The following OVOL1 variants were observed in gnomAD, a reference collection of about 807,000 sequenced individuals.
The protein encoded by OVOL1 is putative transcription factor Ovo-like 1.
Under a neutral mutation model 21.5 loss-of-function variants are expected in OVOL1, and 10 were observed. The observed-to-expected ratio is 0.46, with a 90% CI of 0.29 to 0.79. The LOEUF (loss-of-function observed/expected upper bound fraction) is 0.79. OVOL1 is among the 30% of genes least tolerant of loss of function. The probability of loss-of-function intolerance (pLI) is 0.10; values close to 1 mark genes in which losing one functional copy is unlikely to be tolerated. For synonymous variants in OVOL1, 129 were observed against 150.3 expected, an observed-to-expected ratio of 0.86 and a Z score of 1.03; for missense variants, 279 against 362.3, an observed-to-expected ratio of 0.77 and a Z score of 1.87.
rs773194846 is a variant in OVOL1, at chr11:65,796,132, C to G, written c.*791C>G. 5 of 152,498 alleles carry G rather than the reference C, an allele frequency of 3.3e-5. No homozygotes were observed. The highest frequency in any genetic ancestry group is 5.9e-5 in the Non-Finnish European group (4 of 68,030). The allele number at this position is 152,498 out of a possible 1,614,324, so 9.4% of individuals were successfully genotyped here. ...GAGCTGGCTTTTCTCCATTCCCGTG[C>G]GCTTCTATTTATCCTGGACATTTCA... On this transcript the variant is annotated 3_prime_UTR_variant, in exon 4 of 4. Transcript: ENST00000335987.
chr11:65,790,334 C>G (rs1044131277), intron 1 of OVOL1: 3 of 152,276 alleles, frequency 2.0e-5, no homozygotes, highest in Non-Finnish European at 4.4e-5. Flanking sequence ...GGCCTCCCAC[C>G]ACTGCTTCCC....
At position 65,795,068 on chromosome 11, in the gene OVOL1, CCTGTGTG is replaced by C; in HGVS notation, c.532_538del (p.Leu178ThrfsTer53). ...CAGGCGTGCGGCCCTACAAGTGCAG[CCTGTGTG>C]ACAAGGCCTTCACGCAGCGCTGCTC... On this transcript the variant is annotated frameshift_variant, in exon 4 of 4. Transcript: ENST00000335987. LOFTEE classifies it high-confidence loss of function. This position sits in a 1 kb window ranked among gnomAD's most constrained non-coding sequence, Gnocchi z 5.7. 1 of 1,613,136 alleles carries C rather than the reference CCTGTGTG, an allele frequency of 6.2e-7. No homozygotes were observed. Among genetic ancestry groups the C allele is most frequent in the Non-Finnish European group, 8.5e-7 (1 of 1,179,976 alleles).
Position 65,791,108 on chromosome 11 carries a change from CGGTT to C in OVOL1, c.101-2920_101-2917del, listed in dbSNP as rs142580276. 1.2e-3 allele frequency among the ~76,000 whole-genome samples: 181 copies of C among 152,284 alleles called. 1 individual carries two copies. Among genetic ancestry groups the C allele is most frequent in the African/African-American group, 4.2e-3 (174 of 41,562 alleles). ...TTCTTTGTGGATACCCAGTGAAAAG[CGGTT>C]GGGAAAGAGGGAAAATACACTGTCT... On this transcript the variant is annotated intron_variant, in intron 1 of 3. Coordinates refer to ENST00000335987, the MANE Select transcript of OVOL1 (RefSeq NM_004561.4).
chr11:65,795,000 G>A (rs767796931), intron 3 of OVOL1, 46 bp from the exon 4 acceptor site: 1 of 1,587,764 alleles, frequency 6.3e-7, no homozygotes. Flanking sequence ...GACAGCCTCT[G>A]AAGTCCCTGC....
In OVOL1 at chr11:65,794,670, T is replaced by C; in HGVS notation, c.451T>C (p.Cys151Arg). ...NDVKRHLCTY[C>R]GKGFNDTFDL... ...CGTCAAGAGGCACCTCTGCACGTAC[T>C]GCGGGAAGGGCTTCAATGACACCTT... The change falls in exon 3 of 4, where the codon TGC becomes CGC. Residue 151 changes from cysteine (C) to arginine (R), a missense_variant. By Grantham distance (180) the Cys-to-Arg change is radical. Coordinates refer to ENST00000335987, the MANE Select transcript of OVOL1 (RefSeq NM_004561.4). 1 of 1,613,754 alleles carries C rather than the reference T, an allele frequency of 6.2e-7. No individual in the cohort carries two copies. Among genetic ancestry groups the C allele is most frequent in the South Asian group, 1.1e-5 (1 of 91,086 alleles).
intron 1 of OVOL1, among the ~76,000 whole-genome samples, chr11:65,791,806 C>T (rs991898896): frequency 1.1e-4 from 16 of 152,234 alleles, no homozygotes; most frequent in African/African-American, 3.6e-4. Flanking sequence ...GTCATAGCGC[C>T]ACCGCCTTGC....
At chr11:65,788,215 A>G (rs1233563829) in intron 1 of OVOL1, among the ~76,000 whole-genome samples, 2 of 152,186 alleles carry the variant, frequency 1.3e-5, no homozygotes, top group Non-Finnish European at 2.9e-5. Flanking sequence ...CCCACCCCAC[A>G]GCGGAGGGCC....
At chr11:65,791,937 C>T (rs898637362) in intron 1 of OVOL1, among the ~76,000 whole-genome samples, 5 of 152,360 alleles carry the variant, frequency 3.3e-5, no homozygotes, top group South Asian at 2.1e-4. Context: ...ACTCCCTGTG[C>T]GTGTGGCCGC....
chr11:65,794,894 T>C (rs977285573), intron 3 of OVOL1, 152 bp from the exon 4 acceptor site: 4 of 981,580 alleles, frequency 4.1e-6, no homozygotes, highest in African/African-American at 1.6e-5. Context: ...GAGTTTTGAT[T>C]TGAGAGTCAC....
chr11:65,794,310 A>T, intron 2 of OVOL1, 62 bp downstream of exon 2: 1 of 1,446,654 alleles, frequency 6.9e-7, no homozygotes, highest in East Asian at 2.3e-5. Context: ...CGTCCAGCTC[A>T]TGAGACATGG....
At chr11:65,787,522 G>GCC in intron 1 of OVOL1, 49 bp downstream of exon 1, 1 of 1,258,320 alleles carries the variant, frequency 7.9e-7, no homozygotes, top group Non-Finnish European at 1.1e-6. Context: ...GCGGCGTCGA[G>GCC]GCTGCGGGCG....
intron 1 of OVOL1, chr11:65,789,079 T>G (rs375574418): frequency 1.0e-6 from 1 of 985,280 alleles, no homozygotes; most frequent in African/African-American, 1.7e-5. Flanking sequence ...TGAGCCAGGC[T>G]CAGTGTGCTG....
chr11:65,788,987 C>T (rs1857956466), intron 1 of OVOL1: 1 of 985,406 alleles, frequency 1.0e-6, no homozygotes, highest in Non-Finnish European at 1.2e-6. Flanking sequence ...CCTCCACCCT[C>T]ACCTGTGTTT....
chr11:65,787,403 G>T lies in OVOL1; in HGVS notation c.30G>T (p.Pro10=). 6.3e-7 allele frequency: 1 copy of T among 1,595,766 alleles called. No homozygotes were observed. The highest frequency in any genetic ancestry group is 8.5e-7 in the Non-Finnish European group (1 of 1,171,488). The change falls in exon 1 of 4, where the codon CCG becomes CCT. Residue 10 remains proline (P), a synonymous_variant. Transcript: ENST00000335987. ...CCCGCGCGTTCCTGGTGAAGAAGCC[G>T]TGCGTCTCCACGTGCAAGAGGAACT... The part of the protein sequence containing the change: MPRAFLVKK[P]CVSTCKRNWS...
chr11:65,788,247 C>T (rs1227148090), intron 1 of OVOL1, among the ~76,000 whole-genome samples: 4 of 152,342 alleles, frequency 2.6e-5, no homozygotes, highest in African/African-American at 9.6e-5. Flanking sequence ...AGCTGGTGTA[C>T]CCAGTTATTT....
At chr11:65,794,950 A>G in intron 3 of OVOL1, 96 bp from the exon 4 acceptor site, 1 of 1,320,784 alleles carries the variant, frequency 7.6e-7, no homozygotes, top group South Asian at 1.3e-5. Context: ...CCTTGGCCCT[A>G]GAGGCAGGGG....
intron 1 of OVOL1, among the ~76,000 whole-genome samples, chr11:65,791,045 C>T (rs376607885): frequency 3.3e-5 from 5 of 152,284 alleles, no homozygotes; most frequent in African/African-American, 4.8e-5. Flanking sequence ...CTGTTCTGGG[C>T]GGGCACCCTG....
rs1391219444 is a variant in OVOL1 at position 65,795,080 on chromosome 11, G to A, written c.543G>A (p.Lys181=). 6 of 1,613,442 alleles carry A rather than the reference G, an allele frequency of 3.7e-6. No homozygotes were observed. The highest frequency in any genetic ancestry group is 1.1e-5 in the South Asian group (1 of 91,086). The part of the protein sequence containing the change: ...VRPYKCSLCD[K]AFTQRCSLES... ...CCTACAAGTGCAGCCTGTGTGACAA[G>A]GCCTTCACGCAGCGCTGCTCTCTGG... Residue 181 remains lysine, a synonymous_variant, in exon 4 of 4, where the codon AAG becomes AAA. Transcript: ENST00000335987. The surrounding 1 kb of genome is among the most constrained non-coding windows in gnomAD (Gnocchi z 5.7).
intron 1 of OVOL1, among the ~76,000 whole-genome samples, chr11:65,793,323 G>A (rs1016817048): frequency 1.3e-5 from 2 of 152,210 alleles, no homozygotes; most frequent in South Asian, 2.1e-4. Context: ...AGCCCAGCCC[G>A]ACATGCCCCG....
Sources: allele counts gnomAD v4.1 joint callset (sites outside exome capture counted in the v4.1 genomes callset), GRCh38; gene constraint gnomAD v4.1.1; non-coding constraint Gnocchi (gnomAD v3.1); transcripts MANE v1.5; gene names NCBI Gene and HGNC (gene_info 2026-07-23, HGNC 2026-07-21).